The following PCDHGA4 variants were observed in gnomAD, a reference collection of about 807,000 sequenced individuals.
PCDHGA4 encodes protocadherin gamma subfamily A, 4.
Under a neutral mutation model 54.6 loss-of-function variants are expected in PCDHGA4, and 38 were observed. The ratio of observed to expected loss-of-function variants is 0.70; its 90% CI spans 0.54 to 0.91. The LOEUF (loss-of-function observed/expected upper bound fraction) is 0.91, where lower values mean the gene tolerates loss of function less well. Ranked by LOEUF, PCDHGA4 falls within the 40% of genes least tolerant of loss-of-function variation. The probability of loss-of-function intolerance (pLI) is 0.00; values close to 1 mark genes in which losing one functional copy is unlikely to be tolerated. For missense variants in PCDHGA4, 1,298 were observed against 1,220.9 expected (o/e 1.06, Z -0.94); for synonymous variants, 511 against 512.9 (o/e 1.00, Z 0.05).
In PCDHGA4 at chr5:141,395,765, C is replaced by T. The variant is rs143173330; in HGVS notation, c.2514+38144C>T. The T allele has an allele frequency of 7.5e-4, 114 of 152,628 alleles. No homozygotes were observed. The Middle Eastern group carries it at 0.03, about 41-fold the overall frequency. 9.5% of individuals were successfully genotyped at this position (152,628 alleles called of 1,614,324 possible). Reference sequence around the variant, plus strand: ...TCTTTTCTGAGCCCTGTTTCTGTACCAGTGCCCTTCAAAACTTTAATACTT... The same window carrying T: ...TCTTTTCTGAGCCCTGTTTCTGTACTAGTGCCCTTCAAAACTTTAATACTT... On this transcript the variant is annotated intron_variant, in intron 1 of 3. Coordinates refer to ENST00000571252, the MANE Select transcript of PCDHGA4 (RefSeq NM_018917.4).
At chr5:141,428,164 T>C (rs1221973020) in intron 1 of PCDHGA4, 1 of 1,564,976 alleles carries the variant, frequency 6.4e-7, no homozygotes, top group South Asian at 1.1e-5. Flanking sequence ...TGCTGGTTGC[T>C]GTGCGTGACG....
At chr5:141,495,571 C>T (rs1031548699) in intron 2 of PCDHGA4, among the ~76,000 whole-genome samples, 1 of 152,198 alleles carries the variant, frequency 6.6e-6, no homozygotes, top group African/African-American at 2.4e-5. Flanking sequence ...TCTGCCTCTC[C>T]CTCTCTTCTC....
At chr5:141,465,775 T>TA (rs2099108994) in intron 1 of PCDHGA4, among the ~76,000 whole-genome samples, 1 of 152,030 alleles carries the variant, frequency 6.6e-6, no homozygotes, top group African/African-American at 2.4e-5. Context: ...CATCTCTTGT[T>TA]ACAGTTTTTT....
At chr5:141,430,425 A>G (rs1298131518) in intron 1 of PCDHGA4, among the ~76,000 whole-genome samples, 3 of 152,076 alleles carry the variant, frequency 2.0e-5, no homozygotes, top group Non-Finnish European at 4.4e-5. Context: ...TAAAGCGAAT[A>G]CGGTAGATTT....
In PCDHGA4 at chr5:141,357,244, G is replaced by C; in HGVS notation, c.2137G>C (p.Ala713Pro). The C allele has an allele frequency of 2.5e-6, 4 of 1,613,834 alleles. No individual in the cohort carries two copies. The highest frequency in any genetic ancestry group is 3.4e-6 in the Non-Finnish European group (4 of 1,179,782). Residue 713 changes from alanine to proline, a missense_variant, in exon 1 of 4, where the codon GCA becomes CCA. Transcript: ENST00000571252. ...TGACTTGGGCAGCCTCAAGCCTTCA[G>C]CAGACCCAGACGACTCGGGCCTCAC... ...LADLGSLKPS[A>P]DPDDSGLTLY...
chr5:141,365,401 T>G, intron 1 of PCDHGA4: 1 of 1,614,034 alleles, frequency 6.2e-7, no homozygotes, highest in Non-Finnish European at 8.5e-7. Flanking sequence ...GTTCGATCTC[T>G]GAAGACTGTC....
rs1554087243 is a variant in PCDHGA4, at chr5:141,382,895, C to T, written c.2514+25274C>T. The T allele has an allele frequency of 2.6e-6, 4 of 1,536,202 alleles. No homozygotes were observed. The East Asian group carries it at 6.8e-5, about 26-fold the overall frequency. ...CGGCGCCTAAGCAAGAGAAGCAGGA[C>T]GACTATGGCGGCTCAGCCGAGGGGC... On this transcript the variant is annotated intron_variant, in intron 1 of 3. Transcript: ENST00000571252.
At chr5:141,458,130 C>A (rs1441742986) in intron 1 of PCDHGA4, among the ~76,000 whole-genome samples, 2 of 152,248 alleles carry the variant, frequency 1.3e-5, no homozygotes, top group African/African-American at 4.8e-5. Flanking sequence ...AGGAACCAGG[C>A]AGAGAAAAAT....
chr5:141,362,408 C>T lies in PCDHGA4; in HGVS notation c.2514+4787C>T, dbSNP rs756452261. ...TATTCCTACAACCTGTGTGTTGCCT[C>T]ACAATCAGCCAAGACAGAGTTCAAT... On this transcript the variant is annotated intron_variant, in intron 1 of 3. Transcript: ENST00000571252. The T allele has an allele frequency of 1.2e-4, 193 of 1,613,924 alleles. 1 individual carries two copies. The Admixed American group carries it at 3.2e-3, about 27-fold the overall frequency.
In PCDHGA4 at chr5:141,376,683, T is replaced by TTTTTTTTTG. The variant is rs1773156952; in HGVS notation, c.2514+19070_2514+19071insGTTTTTTTT. 4 of 803,912 alleles carry TTTTTTTTTG rather than the reference T, an allele frequency of 5.0e-6. 1 individual carries two copies. The highest frequency in any genetic ancestry group is 3.9e-5 in the African/African-American group (2 of 51,902). 49.8% of individuals were successfully genotyped at this position (803,912 alleles called of 1,614,324 possible). A position where few individuals can be genotyped will look rare whatever the true frequency, so the allele number is the denominator to read the frequency against. On this transcript the variant is annotated intron_variant, in intron 1 of 3. Coordinates refer to ENST00000571252, the MANE Select transcript of PCDHGA4 (RefSeq NM_018917.4). ...TGTTCAGGTGAGGGTATCGTTTTTT[T>TTTTTTTTTG]TTTTTTTTTTTTTTGAGACGGAGTC...
At chr5:141,368,190 GA>G (rs1352069840) in intron 1 of PCDHGA4, among the ~76,000 whole-genome samples, 2 of 152,032 alleles carry the variant, frequency 1.3e-5, no homozygotes, top group African/African-American at 4.8e-5. Flanking sequence ...TAAATAAGGG[GA>G]AAAGGTAATA....
chr5:141,414,854 A>C (rs1191943867), intron 1 of PCDHGA4: 3 of 1,614,230 alleles, frequency 1.9e-6, no homozygotes, highest in Non-Finnish European at 2.5e-6. Context: ...CTGGACCAGA[A>C]CGACAATGCG....
intron 1 of PCDHGA4, chr5:141,427,988 T>C (rs555561265): frequency 6.3e-7 from 1 of 1,598,504 alleles, no homozygotes; most frequent in South Asian, 1.1e-5. Context: ...TGGGGCCCGA[T>C]GGCTCCGCAC....
At chr5:141,446,202 G>T (rs780900822) in intron 1 of PCDHGA4, among the ~76,000 whole-genome samples, 13 of 152,094 alleles carry the variant, frequency 8.5e-5, no homozygotes, top group Non-Finnish European at 1.8e-4. Context: ...ATATTCCTAG[G>T]TGTCTGAAAA....
At chr5:141,422,007 T>A in intron 1 of PCDHGA4, 1 of 1,609,966 alleles carries the variant, frequency 6.2e-7, no homozygotes, top group Non-Finnish European at 8.5e-7. Context: ...GCTCCGGAAC[T>A]CGGGTGCTGA....
chr5:141,430,952 C>G, intron 1 of PCDHGA4: 2 of 1,610,382 alleles, frequency 1.2e-6, no homozygotes, highest in African/African-American at 2.7e-5. Flanking sequence ...GCGCGGAGTC[C>G]GCATCATCCC....
At chr5:141,363,522 T>C (rs1028611491) in intron 1 of PCDHGA4, among the ~76,000 whole-genome samples, 2 of 152,254 alleles carry the variant, frequency 1.3e-5, no homozygotes, top group Non-Finnish European at 2.9e-5. Context: ...GTTACTATAC[T>C]GGTTGTCACT....
intron 1 of PCDHGA4, chr5:141,375,758 G>C (rs1473514742): frequency 1.2e-6 from 2 of 1,614,230 alleles, no homozygotes; most frequent in East Asian, 2.2e-5. Flanking sequence ...GAATGACAAT[G>C]CGCCCGAGAT....
chr5:141,375,179 A>G (rs2150054707), intron 1 of PCDHGA4: 4 of 1,613,972 alleles, frequency 2.5e-6, no homozygotes, highest in Middle Eastern at 1.6e-4. Context: ...AGGAACAGTA[A>G]TCGCCCTTTT....
Sources: allele counts gnomAD v4.1 joint callset (sites outside exome capture counted in the v4.1 genomes callset), GRCh38; gene constraint gnomAD v4.1.1; transcripts MANE v1.5; gene names NCBI Gene and HGNC (gene_info 2026-07-23, HGNC 2026-07-21).